The following DNA2 variants were observed in gnomAD, a reference collection of about 807,000 sequenced individuals.
The protein encoded by DNA2 is DNA replication ATP-dependent helicase/nuclease DNA2.
DNA2 carries 101 observed loss-of-function variants against 119.1 expected under a neutral mutation model. The observed-to-expected ratio is 0.85, with a 90% CI of 0.72 to 1.00. The LOEUF is 1.00. DNA2 is among the 50% of genes least tolerant of loss of function. The pLI is 0.00. For synonymous variants in DNA2, 366 were observed against 424.4 expected (o/e 0.86, Z 1.69); for missense variants, 1,121 against 1,255.5 (o/e 0.89, Z 1.62).
At chr10:68,431,011 G>A (rs886339522) in intron 13 of DNA2, among the ~76,000 whole-genome samples, 5 of 151,468 alleles carry the variant, frequency 3.3e-5, no homozygotes, top group African/African-American at 4.9e-5. Context: ...GAGGTGGTGC[G>A]CCCCTGTGGT....
intron 14 of DNA2, among the ~76,000 whole-genome samples, chr10:68,426,947 A>C (rs1194273600): frequency 6.6e-6 from 1 of 152,246 alleles, no homozygotes; most frequent in Non-Finnish European, 1.5e-5. Context: ...TGCAAACCAC[A>C]TATCCATTAA....
chr10:68,449,190 CAT>C (rs1387732869), intron 6 of DNA2, among the ~76,000 whole-genome samples: 3 of 152,138 alleles, frequency 2.0e-5, no homozygotes, highest in Non-Finnish European at 4.4e-5. Flanking sequence ...TTTTCAGTCT[CAT>C]ATACACAAAA....
intron 4 of DNA2, among the ~76,000 whole-genome samples, chr10:68,461,720 C>T (rs747325561): frequency 3.3e-5 from 5 of 150,314 alleles, no homozygotes; most frequent in African/African-American, 4.9e-5. Flanking sequence ...CCCAGCTACT[C>T]GGGAGGCTGA....
At chr10:68,450,373 C>T in intron 5 of DNA2, 126 bp from the exon 6 acceptor site, 1 of 726,472 alleles carries the variant, frequency 1.4e-6, no homozygotes, top group South Asian at 1.9e-5. Flanking sequence ...ACCTTTACAG[C>T]AGTGATTTTC....
intron 2 of DNA2, 66 bp from the exon 3 acceptor site, chr10:68,468,372 G>C: frequency 9.3e-7 from 1 of 1,079,490 alleles, no homozygotes; most frequent in Middle Eastern, 3.2e-4. Context: ...ACGTATTAGG[G>C]AGGCTTCAAA....
chr10:68,460,030 TACACACACACAC>T lies in DNA2; in HGVS notation c.588-807_588-796del, dbSNP rs150226727. On this transcript the variant is annotated intron_variant, in intron 4 of 20. Coordinates refer to ENST00000358410, the MANE Select transcript of DNA2 (RefSeq NM_001080449.3). ...CAAGAGAGCAAGACTCCATCACAAA[TACACACACACAC>T]ACACACACACACACACACATACAAG... Among the ~76,000 whole-genome samples, 22 of 145,698 alleles carry T rather than the reference TACACACACACAC, an allele frequency of 1.5e-4. 2 individuals are homozygous for T. In the South Asian group the frequency reaches 4.4e-3, roughly 29 times the overall value.
At chr10:68,449,257 T>C (rs2133412284) in intron 6 of DNA2, among the ~76,000 whole-genome samples, 1 of 152,312 alleles carries the variant, frequency 6.6e-6, no homozygotes, top group East Asian at 1.9e-4. Context: ...ATTGACATAA[T>C]GTTCCTTCCT....
Position 68,422,763 on chromosome 10 carries a change from GA to G in DNA2, c.2335del (p.Ser779HisfsTer6), listed in dbSNP as rs745893364. The stretch of plus-strand genomic sequence containing the variant: ...GTCCCCCACTAACACAAATCTCCGT[GA>G]AAAAAAAAGGGGGCCCAGACAAATT... ...QPICLGPLFF[S>X]RRFVLVGDHQ... is the part of the protein sequence containing the mutation. On this transcript the variant is annotated frameshift_variant, in exon 15 of 21. Coordinates refer to ENST00000358410, the MANE Select transcript of DNA2 (RefSeq NM_001080449.3). LOFTEE classifies it high-confidence loss of function. 1.1e-4 allele frequency: 176 copies of G among 1,574,450 alleles called. No individual in the cohort carries two copies. Among genetic ancestry groups the G allele is most frequent in the Admixed American group, 6.0e-4 (33 of 54,960 alleles).
chr10:68,429,844 T>C (rs944552906), intron 14 of DNA2, among the ~76,000 whole-genome samples: 2 of 150,662 alleles, frequency 1.3e-5, no homozygotes, highest in African/African-American at 4.9e-5. Flanking sequence ...GACTATTAAG[T>C]ACCATTGTTT....
At chr10:68,429,604 C>T (rs1441837793) in intron 14 of DNA2, among the ~76,000 whole-genome samples, 2 of 138,462 alleles carry the variant, frequency 1.4e-5, no homozygotes, top group Non-Finnish European at 3.1e-5. Flanking sequence ...CCCAGCTACT[C>T]GGAAGGCTGA....
In DNA2 at chr10:68,427,571, C is replaced by T. The variant is rs564697300; in HGVS notation, c.2208+2865G>A. Among the ~76,000 whole-genome samples the T allele has an allele frequency of 1.4e-4, 21 of 151,550 alleles. No individual in the cohort carries two copies. In the South Asian group the frequency reaches 4.4e-3, roughly 32 times the overall value. ...GGCTGAGGCAGAAAGATCACTTGAG[C>T]CCAGAAGGTCAGGGCTGCAGTGAGG... is the stretch of plus-strand genomic sequence containing the variant. On this transcript the variant is annotated intron_variant, in intron 14 of 20. Transcript: ENST00000358410.
chr10:68,423,400 C>G (rs1033342784), intron 14 of DNA2, among the ~76,000 whole-genome samples: 4 of 152,074 alleles, frequency 2.6e-5, no homozygotes, highest in African/African-American at 7.2e-5. Context: ...CTTTTTGCCT[C>G]ATAGATCCCA....
In DNA2 at chr10:68,469,994, G is replaced by A. The variant is rs538019714; in HGVS notation, c.244C>T (p.Leu82Phe). The A allele has an allele frequency of 2.5e-6, 4 of 1,602,068 alleles. No homozygotes were observed. The South Asian group carries it at 3.4e-5, about 14-fold the overall frequency. Residue 82 changes from leucine (L) to phenylalanine (F), a missense_variant, in exon 2 of 21, where the codon CTT (leucine) becomes TTT (phenylalanine). Transcript: ENST00000358410. Reference sequence around the variant, plus strand: ...CATAAAAATTACCAGTCATTCCTAAGGATGCATAGTTCTTTATTTTCTAGT... The same window carrying A: ...CATAAAAATTACCAGTCATTCCTAAAGATGCATAGTTCTTTATTTTCTAGT... ...QSLENKELCI[L>F]RNDWCSVPVE...
intron 1 of DNA2, chr10:68,470,762 G>C (rs116038834): frequency 6.1e-6 from 2 of 329,068 alleles, no homozygotes; most frequent in Non-Finnish European, 1.2e-5. Flanking sequence ...TTACGGAAAA[G>C]GGTATTGTCC....
chr10:68,447,412 G>A (rs1210149934), intron 6 of DNA2, among the ~76,000 whole-genome samples: 3 of 150,684 alleles, frequency 2.0e-5, no homozygotes, highest in Non-Finnish European at 4.4e-5. Flanking sequence ...AGCTACTTGA[G>A]AGGCTAAGGC....
At chr10:68,469,470 T>G (rs1368452708) in intron 2 of DNA2, among the ~76,000 whole-genome samples, 1 of 152,006 alleles carries the variant, frequency 6.6e-6, no homozygotes, top group African/African-American at 2.4e-5. Flanking sequence ...GATTTTCTTT[T>G]CTTTTTTTTG....
chr10:68,421,082 G>A (rs2051658777), intron 17 of DNA2, among the ~76,000 whole-genome samples: 2 of 151,882 alleles, frequency 1.3e-5, no homozygotes, highest in Admixed American at 1.3e-4. Flanking sequence ...GGGACTACAG[G>A]CGCACCACCA....
intron 9 of DNA2, among the ~76,000 whole-genome samples, chr10:68,437,634 G>A (rs1317641341): frequency 1.4e-5 from 2 of 146,252 alleles, no homozygotes; most frequent in Non-Finnish European, 3.0e-5. Context: ...TGGACAACAA[G>A]AGCAAAACCA....
In DNA2 at chr10:68,424,877, C is replaced by A. The variant is rs1255886016; in HGVS notation, c.2209-1987G>T. 3 of 753,048 alleles carry A rather than the reference C, an allele frequency of 4.0e-6. No homozygotes were observed. The African/African-American group carries it at 5.1e-5, about 13-fold the overall frequency. The allele number at this position is 753,048 out of a possible 1,614,324, so 46.6% of individuals were successfully genotyped here. ...GTACTCACCCAAACAAGGTGGTTAT[C>A]ACCAGGCTAAATCTCAACAAGGATC... On this transcript the variant is annotated intron_variant, in intron 14 of 20. Transcript: ENST00000358410.
Sources: gnomAD v4.1 joint callset for allele counts (sites outside exome capture counted in the v4.1 genomes callset) on GRCh38, gnomAD v4.1.1 for gene constraint, MANE v1.5 for transcripts, NCBI Gene and HGNC (gene_info 2026-07-23, HGNC 2026-07-21) for gene names.